PLXNA4: variants seen among roughly 807,000 people sequenced by gnomAD.
PLXNA4 encodes the protein plexin A4, also known as plexin-A4.
In PLXNA4, 44 loss-of-function variants were observed where a neutral mutation model predicts 191.8. The observed-to-expected ratio is 0.23, with a 90% CI of 0.18 to 0.29. The LOEUF (loss-of-function observed/expected upper bound fraction) is 0.29. PLXNA4 is among the 10% of genes least tolerant of loss of function. The pLI is 1.00. For missense variants in PLXNA4, 1,800 were observed against 2,488.8 expected, an observed-to-expected ratio of 0.72 and a Z score of 5.89; for synonymous variants, 1,082 against 1,009.5, an observed-to-expected ratio of 1.07 and a Z score of -1.36.
intron 10 of PLXNA4, among the ~76,000 whole-genome samples, chr7:132,204,529 T>C (rs977535299): frequency 7.2e-5 from 11 of 152,218 alleles, no homozygotes; most frequent in African/African-American, 2.7e-4. Context: ...GGTTTGAAGC[T>C]GTGTTTGCAG....
intron 2 of PLXNA4, among the ~76,000 whole-genome samples, chr7:132,595,816 T>C (rs1802700274): frequency 6.6e-6 from 1 of 152,236 alleles, no homozygotes. Flanking sequence ...CCTCCACCTA[T>C]ACCCAATAAT....
In PLXNA4 at chr7:132,589,478, A is replaced by G. The variant is rs532893018; in HGVS notation, c.-87+56450T>C. 6.2e-4 allele frequency among the ~76,000 whole-genome samples: 95 copies of G among 152,350 alleles called. 1 individual carries two copies. In the South Asian group the frequency reaches 0.019, roughly 30 times the overall value. The stretch of plus-strand genomic sequence containing the variant: ...GATGATAGCATATTATTTAACTAGC[A>G]TGTTGCACAGGAAGCTCTGATTATT... On this transcript the variant is annotated intron_variant, in intron 2 of 4. Transcript: ENST00000378539.
intron 1 of PLXNA4, among the ~76,000 whole-genome samples, chr7:132,519,408 G>A (rs1295002352): frequency 6.6e-6 from 1 of 152,238 alleles, no homozygotes; most frequent in Non-Finnish European, 1.5e-5. Flanking sequence ...AGCAAAGGGA[G>A]ACTTGCTGTC....
chr7:132,193,048 G>T (rs778955250), intron 14 of PLXNA4, among the ~76,000 whole-genome samples: 1 of 152,158 alleles, frequency 6.6e-6, no homozygotes, highest in Non-Finnish European at 1.5e-5. Flanking sequence ...GGATAATGGT[G>T]AGTGGGTGCT....
chr7:132,228,437 T>C lies in PLXNA4; in HGVS notation c.1637A>G (p.Lys546Arg). Reference protein sequence around the residue: ...CTRKERCERSKEPRRFASEMK... With the variant: ...CTRKERCERSREPRRFASEMK... ...CTCCGAGGCAAACCTGCGGGGCTCC[T>C]TGGACCGCTCACACCGCTCCTTCCG... The change falls in exon 6 of 32, where the codon AAG becomes AGG. Residue 546 changes from lysine (K) to arginine (R), a missense_variant. Around this residue, in one of 6 missense-constraint regions of PLXNA4, gnomAD observed 1,397 missense variants for 1,880.4 expected, o/e 0.74. Coordinates refer to ENST00000321063, the MANE Select transcript of PLXNA4 (RefSeq NM_020911.2). 6.2e-7 allele frequency: 1 copy of C among 1,614,152 alleles called. No homozygotes were observed. Among genetic ancestry groups the C allele is most frequent in the East Asian group, 2.2e-5 (1 of 44,854 alleles).
chr7:132,196,898 C>G (rs1191873442), intron 13 of PLXNA4, among the ~76,000 whole-genome samples: 1 of 152,122 alleles, frequency 6.6e-6, no homozygotes, highest in African/African-American at 2.4e-5. Context: ...CGTTCATGCT[C>G]TTTGATCATT....
intron 3 of PLXNA4, among the ~76,000 whole-genome samples, chr7:132,335,798 TA>T (rs1173518377): frequency 1.3e-5 from 2 of 152,146 alleles, no homozygotes; most frequent in Non-Finnish European, 2.9e-5. Context: ...AATGAAGAAC[TA>T]AAGCTAACCC....
intron 17 of PLXNA4, 114 bp from the exon 18 acceptor site, chr7:132,181,734 G>A (rs1375857820): frequency 1.4e-5 from 21 of 1,478,506 alleles, no homozygotes; most frequent in Non-Finnish European, 1.6e-5. Context: ...TTGACAAGAG[G>A]ATTAGAGATG....
chr7:132,165,333 T>C, intron 22 of PLXNA4, 133 bp from the exon 23 acceptor site: 1 of 1,332,490 alleles, frequency 7.5e-7, no homozygotes, highest in Non-Finnish European at 9.8e-7. Flanking sequence ...GGCCAAACCT[T>C]GCGATCCTAA....
intron 12 of PLXNA4, among the ~76,000 whole-genome samples, chr7:132,199,398 A>G (rs140052766): frequency 2.0e-4 from 30 of 152,282 alleles, no homozygotes; most frequent in African/African-American, 7.2e-4. Flanking sequence ...TTTAAATTTT[A>G]CCCTCGTACA....
In PLXNA4 at chr7:132,540,569, C is replaced by CTTTTTTTTTT. The variant is rs71915138; in HGVS notation, c.-86-31800_-86-31791dup. Among the ~76,000 whole-genome samples the CTTTTTTTTTT allele has an allele frequency of 9.0e-3, 547 of 61,006 alleles. 143 individuals carry two copies. The highest frequency in any genetic ancestry group is 0.011 in the Non-Finnish European group (399 of 36,822). 40.0% of individuals were successfully genotyped at this position (61,006 alleles called of 152,430 possible). A position where few individuals can be genotyped will look rare whatever the true frequency, so the allele number is the denominator to read the frequency against. On this transcript the variant is annotated intron_variant, in intron 1 of 31. Transcript: ENST00000321063. ...AGCAGAAGGTGTAGTGTGGACCGTT[C>CTTTTTTTTTT]TTTTTTTTTTTTTTTTTTTTTTTTT... is the stretch of plus-strand genomic sequence containing the variant.
intron 3 of PLXNA4, among the ~76,000 whole-genome samples, chr7:132,440,668 A>G (rs1563100190): frequency 2.6e-5 from 4 of 152,352 alleles, no homozygotes; most frequent in South Asian, 4.1e-4. Flanking sequence ...AAGAACTGAC[A>G]TAAAATAAAT....
chr7:132,628,135 G>A (rs1459157373), intron 2 of PLXNA4, among the ~76,000 whole-genome samples: 1 of 152,152 alleles, frequency 6.6e-6, no homozygotes, highest in African/African-American at 2.4e-5. Flanking sequence ...GTATACAGGT[G>A]GTAATACTTT....
intron 1 of PLXNA4, among the ~76,000 whole-genome samples, chr7:132,546,188 T>G (rs1168941528): frequency 1.3e-5 from 2 of 152,126 alleles, no homozygotes; most frequent in African/African-American, 4.8e-5. Context: ...CTCCTAAAAC[T>G]AATCTTCAGA....
intron 7 of PLXNA4, among the ~76,000 whole-genome samples, chr7:132,226,676 G>A (rs566055516): frequency 1.3e-5 from 2 of 152,342 alleles, no homozygotes; most frequent in South Asian, 4.1e-4. Flanking sequence ...CTCATTCCCT[G>A]TCTCTGTAAA....
At chr7:132,137,236 C>T (rs1392041179) in intron 30 of PLXNA4, among the ~76,000 whole-genome samples, 3 of 152,132 alleles carry the variant, frequency 2.0e-5, no homozygotes, top group South Asian at 4.1e-4. Context: ...TTTTTCATGC[C>T]GTGACACACA....
chr7:132,316,835 C>T (rs967798672), intron 3 of PLXNA4, among the ~76,000 whole-genome samples: 10 of 152,200 alleles, frequency 6.6e-5, no homozygotes, highest in African/African-American at 2.4e-4. Flanking sequence ...CCCCACCCTC[C>T]AGTTTCATCA....
intron 4 of PLXNA4, among the ~76,000 whole-genome samples, chr7:132,283,006 G>C (rs891491466): frequency 6.6e-6 from 1 of 151,876 alleles, no homozygotes; most frequent in Non-Finnish European, 1.5e-5. Context: ...CCCCCCCCAA[G>C]TAACTGGGAC....
intron 9 of PLXNA4, among the ~76,000 whole-genome samples, chr7:132,221,257 TG>T (rs1798135616): frequency 6.6e-6 from 1 of 152,192 alleles, no homozygotes; most frequent in Non-Finnish European, 1.5e-5. Context: ...AAAGCAGAAA[TG>T]CAAAAGCTTC....
Sources: gnomAD v4.1 joint callset for allele counts (sites outside exome capture counted in the v4.1 genomes callset) on GRCh38, gnomAD v4.1.1 for gene constraint, gnomAD v4.1.1 regional missense constraint, MANE v1.5 for transcripts, NCBI Gene and HGNC (gene_info 2026-07-23, HGNC 2026-07-21) for gene names.